CNNM3: variants seen among roughly 807,000 people sequenced by gnomAD.
CNNM3 encodes cyclin and CBS domain divalent metal cation transport mediator 3.
In CNNM3, 47 loss-of-function variants were observed where a neutral mutation model predicts 57.1. The ratio of observed to expected loss-of-function variants is 0.82; its 90% confidence interval spans 0.65 to 1.05. The LOEUF (loss-of-function observed/expected upper bound fraction) is 1.05, where lower values mean the gene tolerates loss of function less well. Ranked by LOEUF, CNNM3 falls within the 50% of genes least tolerant of loss-of-function variation. The probability of loss-of-function intolerance (pLI) is 0.00; values close to 1 mark genes in which losing one functional copy is unlikely to be tolerated. For synonymous variants in CNNM3, 507 were observed against 478.2 expected, an observed-to-expected ratio of 1.06 and a Z score of -0.79; for missense variants, 957 against 973.7, an observed-to-expected ratio of 0.98 and a Z score of 0.23.
rs1033926267 is a variant in CNNM3 at position 96,817,752 on chromosome 2, C to G, written c.1225+250C>G. Among the ~76,000 whole-genome samples the G allele has an allele frequency of 3.7e-5, 4 of 108,466 alleles. No individual in the cohort carries two copies. The South Asian group carries it at 1.1e-3, about 28-fold the overall frequency. The allele number at this position is 108,466 out of a possible 152,430, so 71.2% of individuals were successfully genotyped here. A position where few individuals can be genotyped will look rare whatever the true frequency, so the allele number is the denominator to read the frequency against. Reference sequence around the variant, plus strand: ...ACTTTAACCCCCGCGTCAGGATAGCCCCCCCCCCCCATTTGCAGGGAGGGG... The same window carrying G: ...ACTTTAACCCCCGCGTCAGGATAGCGCCCCCCCCCCATTTGCAGGGAGGGG... On this transcript the variant is annotated intron_variant, in intron 1 of 7. Transcript: ENST00000305510.
Position 96,816,775 on chromosome 2 carries a change from G to A in CNNM3, c.498G>A (p.Val166=). 2.0e-6 allele frequency: 2 copies of A among 1,021,540 alleles called. No homozygotes were observed. The highest frequency in any genetic ancestry group is 1.2e-6 in the Non-Finnish European group (1 of 855,956). The allele number at this position is 1,021,540 out of a possible 1,614,324, so 63.3% of individuals were successfully genotyped here. The change falls in exon 1 of 8, where the codon GTG becomes GTA. Residue 166 remains valine (V), a synonymous_variant. Transcript: ENST00000305510. ...LSALALAPAE[V]QVLRESGSEA... is the part of the protein sequence containing the mutation. ...CGCTGGCGCTGGCGCCTGCCGAGGT[G>A]CAGGTGCTGCGCGAGAGCGGCTCGG...
At chr2:96,825,789 TACTC>T (rs962945551) in intron 2 of CNNM3, among the ~76,000 whole-genome samples, 3 of 131,822 alleles carry the variant, frequency 2.3e-5, no homozygotes, top group Admixed American at 6.9e-5. Context: ...TAGTCTCACA[TACTC>T]AGGAGGCTGA....
intron 2 of CNNM3, among the ~76,000 whole-genome samples, 198 bp from the exon 3 acceptor site, chr2:96,826,635 C>T (rs1460063283): frequency 6.6e-6 from 1 of 152,164 alleles, no homozygotes; most frequent in Non-Finnish European, 1.5e-5. Flanking sequence ...AGATAGTCAC[C>T]CCTCTCTCTG....
intron 7 of CNNM3, chr2:96,832,277 T>A (rs1468377161): frequency 1.0e-6 from 1 of 985,202 alleles, no homozygotes; most frequent in Non-Finnish European, 1.2e-6. Flanking sequence ...CAGGGTGCTG[T>A]ATCGTCCCGG....
chr2:96,820,013 G>A (rs1261971321), intron 1 of CNNM3, among the ~76,000 whole-genome samples: 1 of 152,108 alleles, frequency 6.6e-6, no homozygotes, highest in Non-Finnish European at 1.5e-5. Context: ...GTCCCCTGGC[G>A]GGGGGGCTTG....
intron 2 of CNNM3, 66 bp from the exon 3 acceptor site, chr2:96,826,767 C>A: frequency 6.3e-7 from 1 of 1,592,764 alleles, no homozygotes; most frequent in Non-Finnish European, 8.6e-7. Flanking sequence ...CGATGCAGCC[C>A]CTTAGTGTGG....
At chr2:96,827,597 AG>A in intron 3 of CNNM3, 133 bp from the exon 4 acceptor site, 2 of 769,720 alleles carry the variant, frequency 2.6e-6, no homozygotes, top group South Asian at 1.7e-5. Flanking sequence ...TTGAGGTGTT[AG>A]GGGCAGCTGC....
At chr2:96,825,295 TG>T in intron 2 of CNNM3, 94 bp downstream of exon 2, 1 of 1,460,544 alleles carries the variant, frequency 6.8e-7, no homozygotes, top group Non-Finnish European at 9.2e-7. Context: ...TCTGTGCTGC[TG>T]GAACCCAGCA....
chr2:96,835,709 T>C (rs571482246), downstream of CNNM3, among the ~76,000 whole-genome samples: 11 of 152,238 alleles, frequency 7.2e-5, no homozygotes, highest in Admixed American at 7.2e-4. Context: ...CTTCGTGATC[T>C]GCCCGCCTCA....
chr2:96,825,746 C>CA (rs1465040651), intron 2 of CNNM3, among the ~76,000 whole-genome samples: 12 of 152,308 alleles, frequency 7.9e-5, no homozygotes, highest in Non-Finnish European at 1.8e-4. Context: ...GCTAAAAATA[C>CA]AAACATTAGC....
Position 96,816,728 on chromosome 2 carries a change from G to A in CNNM3, c.451G>A (p.Ala151Thr). ...AAGLLALAAL[A>T]RGLQLSALAL... ...CGGGCTGCTGGCGCTGGCAGCGCTG[G>A]CGCGAGGCCTGCAGCTGAGCGCGCT... is the stretch of plus-strand genomic sequence containing the variant. Residue 151 changes from alanine (A) to threonine (T), a missense_variant, in exon 1 of 8, where the codon GCG becomes ACG. This residue lies in a region of CNNM3 where 466 missense variants were observed against 403.1 expected (regional missense o/e 1.16). Transcript: ENST00000305510. The A allele has an allele frequency of 9.9e-7, 1 of 1,013,120 alleles. No individual in the cohort carries two copies. Among genetic ancestry groups the A allele is most frequent in the Middle Eastern group, 4.8e-4 (1 of 2,074 alleles). The allele number at this position is 1,013,120 out of a possible 1,614,324, so 62.8% of individuals were successfully genotyped here.
chr2:96,824,485 T>C (rs1391935039), intron 1 of CNNM3: 1 of 154,736 alleles, frequency 6.5e-6, no homozygotes, highest in East Asian at 1.9e-4. Flanking sequence ...TTCTATCTCT[T>C]TCTAATTTCT....
chr2:96,820,692 C>T (rs1251722441), intron 1 of CNNM3, among the ~76,000 whole-genome samples: 4 of 152,172 alleles, frequency 2.6e-5, no homozygotes, highest in South Asian at 2.1e-4. Context: ...TTTGGTGCCA[C>T]GGCAAGGGAG....
chr2:96,827,411 G>A lies in CNNM3; in HGVS notation c.1520-320G>A, dbSNP rs2079526318. Reference sequence around the variant, plus strand: ...GCCTCCCAAGTAGCTGGGATTACAGGCGTGTATCACCACGCCCAGCTAATT... The same window carrying A: ...GCCTCCCAAGTAGCTGGGATTACAGACGTGTATCACCACGCCCAGCTAATT... On this transcript the variant is annotated intron_variant, in intron 3 of 7. Coordinates refer to ENST00000305510, the MANE Select transcript of CNNM3 (RefSeq NM_017623.5). Among the ~76,000 whole-genome samples the A allele has an allele frequency of 2.0e-5, 3 of 152,294 alleles. No individual in the cohort carries two copies. In the South Asian group the frequency reaches 6.2e-4, roughly 32 times the overall value.
rs996151164 is a variant in CNNM3 at position 96,834,333 on chromosome 2, A to G, written c.*1717A>G. ...AGAGTTTTCAATTTTTTATTTATTT[A>G]TTATTATTATTATTATTATTATTAT... On this transcript the variant is annotated 3_prime_UTR_variant, in exon 8 of 8. Transcript: ENST00000305510. Among the ~76,000 whole-genome samples the G allele has an allele frequency of 8.1e-6, 1 of 123,578 alleles. No homozygotes were observed. Among genetic ancestry groups the G allele is most frequent in the Admixed American group, 7.4e-5 (1 of 13,600 alleles). 81.1% of individuals were successfully genotyped at this position (123,578 alleles called of 152,430 possible). A position where few individuals can be genotyped will look rare whatever the true frequency, so the allele number is the denominator to read the frequency against.
chr2:96,816,355 G>A lies in CNNM3; in HGVS notation c.78G>A (p.Glu26=). 7.7e-7 allele frequency: 1 copy of A among 1,292,426 alleles called. No individual in the cohort carries two copies. The highest frequency in any genetic ancestry group is 9.8e-7 in the Non-Finnish European group (1 of 1,019,198). The allele number at this position is 1,292,426 out of a possible 1,614,324, so 80.1% of individuals were successfully genotyped here. The change falls in exon 1 of 8, where the codon GAG becomes GAA. Residue 26 remains glutamate, a synonymous_variant. Coordinates refer to ENST00000305510, the MANE Select transcript of CNNM3 (RefSeq NM_017623.5). ...AALCLGNAAG[E]AAPGPRVLGF... ...TCTGCCTGGGCAACGCCGCGGGGGA[G>A]GCCGCGCCGGGCCCGCGAGTGCTGG...
chr2:96,816,556 C>CG lies in CNNM3; in HGVS notation c.280dup (p.Ala94GlyfsTer36). On this transcript the variant is annotated frameshift_variant, in exon 1 of 8. Transcript: ENST00000305510. LOFTEE classifies it high-confidence loss of function. ...GCTGCCGGGAGGAGGCGGCCTCCCC[C>CG]GCGGGCGAGTGGCGCGCGCTGCTGC... 7.6e-7 allele frequency: 1 copy of CG among 1,319,434 alleles called. No individual in the cohort carries two copies. The highest frequency in any genetic ancestry group is 9.6e-7 in the Non-Finnish European group (1 of 1,037,838). 81.7% of individuals were successfully genotyped at this position (1,319,434 alleles called of 1,614,324 possible).
intron 3 of CNNM3, among the ~76,000 whole-genome samples, 164 bp from the exon 4 acceptor site, chr2:96,827,567 C>T (rs1284483641): frequency 6.6e-6 from 1 of 152,180 alleles, no homozygotes; most frequent in East Asian, 1.9e-4. Flanking sequence ...CGCACCTGGC[C>T]CCTGCCTAGT....
rs2079317958 is a variant in CNNM3, at chr2:96,816,443, G to A, written c.166G>A (p.Asp56Asn). The change falls in exon 1 of 8, where the codon GAC (aspartate) becomes AAC (asparagine). Residue 56 changes from aspartate to asparagine, a missense_variant. Physicochemically the swap from Asp to Asn is conservative, Grantham distance 23. Transcript: ENST00000305510. ...TTGGGTACGCGGAGGGGCGGCGCGGGACACGCCGGACGCCACCTTCCTCCT... is the reference window on the plus strand; with the variant it reads ...TTGGGTACGCGGAGGGGCGGCGCGGAACACGCCGGACGCCACCTTCCTCCT... ...AGWVRGGAARDTPDATFLLRL... is the reference protein window; with the variant it reads ...AGWVRGGAARNTPDATFLLRL... The A allele has an allele frequency of 7.0e-7, 1 of 1,428,404 alleles. No homozygotes were observed. Among genetic ancestry groups the A allele is most frequent in the Admixed American group, 2.8e-5 (1 of 35,644 alleles). The allele number at this position is 1,428,404 out of a possible 1,614,324, so 88.5% of individuals were successfully genotyped here. A position where few individuals can be genotyped will look rare whatever the true frequency, so the allele number is the denominator to read the frequency against.
Sources: allele counts gnomAD v4.1 joint callset (sites outside exome capture counted in the v4.1 genomes callset), GRCh38; gene constraint gnomAD v4.1.1; regional missense constraint gnomAD v4.1.1; transcripts MANE v1.5; gene names NCBI Gene and HGNC (gene_info 2026-07-23, HGNC 2026-07-21).